ANKS1B: variants seen among roughly 807,000 people sequenced by gnomAD.
ANKS1B encodes ankyrin repeat and sterile alpha motif domain-containing protein 1B.
ANKS1B carries 36 observed loss-of-function variants against 148.3 expected under a neutral mutation model. The ratio of observed to expected loss-of-function variants is 0.24; its 90% confidence interval spans 0.19 to 0.32. ANKS1B has a LOEUF of 0.32. Ranked by LOEUF, ANKS1B falls within the 10% of genes least tolerant of loss-of-function variation. ANKS1B has a pLI of 1.00. For synonymous variants in ANKS1B, 542 were observed against 560.8 expected (o/e 0.97, Z 0.47); for missense variants, 1,157 against 1,542.6 (o/e 0.75, Z 4.19).
At chr12:99,811,359 G>A (rs1416002367) in intron 3 of ANKS1B, among the ~76,000 whole-genome samples, 1 of 151,810 alleles carries the variant, frequency 6.6e-6, no homozygotes, top group East Asian at 1.9e-4. Flanking sequence ...TGCCGTGATT[G>A]TAATTCAATT....
intron 17 of ANKS1B, among the ~76,000 whole-genome samples, chr12:98,975,263 T>TCCTC (rs1193484909): frequency 2.3e-5 from 3 of 128,138 alleles, no homozygotes; most frequent in African/African-American, 9.0e-5. Context: ...TTTCCTTCAT[T>TCCTC]CCTCCCTCCC....
intron 14 of ANKS1B, among the ~76,000 whole-genome samples, chr12:99,219,027 C>A (rs2084676437): frequency 6.6e-6 from 1 of 152,156 alleles, no homozygotes; most frequent in African/African-American, 2.4e-5. Context: ...AAATAATCCA[C>A]AATGTGGAGG....
At chr12:99,759,753 G>A (rs1760886415) in intron 8 of ANKS1B, among the ~76,000 whole-genome samples, 1 of 151,616 alleles carries the variant, frequency 6.6e-6, no homozygotes, top group African/African-American at 2.4e-5. Context: ...CAAGGTAAAT[G>A]TGAAAAGTGA....
intron 9 of ANKS1B, among the ~76,000 whole-genome samples, chr12:99,608,539 G>C (rs2097869627): frequency 6.6e-6 from 1 of 152,056 alleles, no homozygotes; most frequent in Non-Finnish European, 1.5e-5. Flanking sequence ...GCTCTACCCA[G>C]TAACTGGTCA....
At chr12:99,601,545 A>G (rs950545630) in intron 9 of ANKS1B, among the ~76,000 whole-genome samples, 15 of 152,100 alleles carry the variant, frequency 9.9e-5, no homozygotes, top group African/African-American at 3.6e-4. Context: ...AAAATAATGC[A>G]TCCTGTAAGG....
At chr12:99,735,041 A>G (rs1406607501) in intron 8 of ANKS1B, among the ~76,000 whole-genome samples, 2 of 152,110 alleles carry the variant, frequency 1.3e-5, no homozygotes, top group African/African-American at 4.8e-5. Context: ...CTCTCACATC[A>G]TAGCCTCTTA....
intron 15 of ANKS1B, among the ~76,000 whole-genome samples, chr12:99,110,597 G>A (rs182722665): frequency 6.6e-6 from 1 of 152,150 alleles, no homozygotes; most frequent in Non-Finnish European, 1.5e-5. Flanking sequence ...TAAAAGCAAA[G>A]AATGAAAATT....
At chr12:99,833,665 G>A (rs2084376700) in intron 1 of ANKS1B, among the ~76,000 whole-genome samples, 1 of 152,060 alleles carries the variant, frequency 6.6e-6, no homozygotes, top group African/African-American at 2.4e-5. Flanking sequence ...AGTACCTCAG[G>A]CAAAAAATGG....
intron 9 of ANKS1B, among the ~76,000 whole-genome samples, chr12:99,620,543 G>A (rs2098034740): frequency 6.6e-6 from 1 of 152,096 alleles, no homozygotes; most frequent in Non-Finnish European, 1.5e-5. Context: ...ATCAATCAGA[G>A]CATTTGGAAT....
chr12:99,001,053 T>C (rs2099932682), intron 17 of ANKS1B, among the ~76,000 whole-genome samples: 1 of 152,146 alleles, frequency 6.6e-6, no homozygotes, highest in African/African-American at 2.4e-5. Context: ...AACATTTTGG[T>C]TATTTCCACA....
chr12:99,249,971 C>G (rs1405628799), intron 12 of ANKS1B, among the ~76,000 whole-genome samples: 1 of 152,124 alleles, frequency 6.6e-6, no homozygotes, highest in Non-Finnish European at 1.5e-5. Flanking sequence ...ACCAACAGAT[C>G]AGGAGACAAT....
intron 1 of ANKS1B, among the ~76,000 whole-genome samples, chr12:99,938,512 T>C (rs1224465822): frequency 1.3e-5 from 2 of 152,202 alleles, no homozygotes; most frequent in Non-Finnish European, 1.5e-5. Context: ...TATGATAATA[T>C]TGTTATACAA....
intron 17 of ANKS1B, among the ~76,000 whole-genome samples, chr12:98,969,539 C>A (rs1005341046): frequency 6.6e-6 from 1 of 151,794 alleles, no homozygotes; most frequent in Admixed American, 6.6e-5. Flanking sequence ...AGTAAAGAAC[C>A]CCAACCAAAT....
chr12:99,715,696 G>A lies in ANKS1B; in HGVS notation c.1128+57226C>T, dbSNP rs1031255855. Among the ~76,000 whole-genome samples, 8 of 152,114 alleles carry A rather than the reference G, an allele frequency of 5.3e-5. No homozygotes were observed. The South Asian group carries it at 1.0e-3, about 20-fold the overall frequency. ...GTGAAAAAGATCCACCTATGACCTC[G>A]GGTCCTCAGACCCATCAGCCCAAGG... is the stretch of plus-strand genomic sequence containing the variant. On this transcript the variant is annotated intron_variant, in intron 8 of 26. Coordinates refer to ENST00000683438, the MANE Select transcript of ANKS1B (RefSeq NM_001352186.2).
chr12:99,250,558 GCCATTCTGCCAATACCA>G (rs1347813113), intron 12 of ANKS1B, among the ~76,000 whole-genome samples: 2 of 152,196 alleles, frequency 1.3e-5, no homozygotes, highest in Non-Finnish European at 1.5e-5. Context: ...CCAAATTCAG[GCCATTCTGCCAATACCA>G]CCGATGCATC....
At chr12:99,673,575 T>C (rs2098548389) in intron 8 of ANKS1B, among the ~76,000 whole-genome samples, 1 of 152,008 alleles carries the variant, frequency 6.6e-6, no homozygotes, top group South Asian at 2.1e-4. Context: ...TACAAGGTTA[T>C]AACTCAAGAA....
In ANKS1B at chr12:98,996,685, C is replaced by T. The variant is rs111531730; in HGVS notation, c.2778+56472G>A. Among the ~76,000 whole-genome samples the T allele has an allele frequency of 2.0e-3, 308 of 151,588 alleles. 3 individuals are homozygous for T. Among genetic ancestry groups the T allele is most frequent in the Non-Finnish European group, 3.6e-3 (246 of 67,838 alleles). On this transcript the variant is annotated intron_variant, in intron 17 of 26. Transcript: ENST00000683438. Reference sequence around the variant, plus strand: ...AAAATTAGCTGGGCATGGTGGTGGGCGCCTGTAGTCCCAGCTACTTGGGAG... The same window carrying T: ...AAAATTAGCTGGGCATGGTGGTGGGTGCCTGTAGTCCCAGCTACTTGGGAG...
chr12:98,823,903 C>G (rs1337443973), intron 19 of ANKS1B, among the ~76,000 whole-genome samples: 1 of 152,208 alleles, frequency 6.6e-6, no homozygotes, highest in African/African-American at 2.4e-5. Flanking sequence ...CTGGGAACAA[C>G]AGGCCTATTC....
chr12:99,139,720 GT>G (rs1369192652), intron 15 of ANKS1B, among the ~76,000 whole-genome samples: 2 of 151,934 alleles, frequency 1.3e-5, no homozygotes, highest in African/African-American at 2.4e-5. Context: ...TGAGTAGACT[GT>G]TGGATCTTTA....
Sources: gnomAD v4.1 joint callset for allele counts (sites outside exome capture counted in the v4.1 genomes callset) on GRCh38, gnomAD v4.1.1 for gene constraint, MANE v1.5 for transcripts, NCBI Gene and HGNC (gene_info 2026-07-23, HGNC 2026-07-21) for gene names.